Variants in ACSM6 observed in about 807,000 individuals in gnomAD.
ACSM6 encodes acyl-CoA synthetase medium chain family member 6, also known as acyl-coenzyme A synthetase ACSM6, mitochondrial.
Under a neutral mutation model 51.1 loss-of-function variants are expected in ACSM6, and 35 were observed. The ratio of observed to expected loss-of-function variants is 0.69; its 90% CI spans 0.52 to 0.91. ACSM6 has a LOEUF of 0.91. ACSM6 is among the 40% of genes least tolerant of loss of function. The pLI, the probability that ACSM6 is intolerant of heterozygous loss-of-function variation, is 0.00. For synonymous variants in ACSM6, 172 were observed against 207.3 expected, an observed-to-expected ratio of 0.83 and a Z score of 1.46; for missense variants, 509 against 584.1, an observed-to-expected ratio of 0.87 and a Z score of 1.32.
chr10:95,223,023 T>C (rs1048817461), intron 9 of ACSM6, among the ~76,000 whole-genome samples: 9 of 151,926 alleles, frequency 5.9e-5, no homozygotes, highest in Admixed American at 5.2e-4. Context: ...CATTAGAGGG[T>C]TTATTTTTTT....
chr10:95,209,523 G>A lies in ACSM6; in HGVS notation c.612-1127G>A, dbSNP rs529890010. Among the ~76,000 whole-genome samples the A allele has an allele frequency of 4.0e-4, 61 of 152,272 alleles. 1 individual carries two copies. In the South Asian group the frequency reaches 0.012, roughly 29 times the overall value. On this transcript the variant is annotated intron_variant, in intron 4 of 10. Coordinates refer to ENST00000341686, the Ensembl canonical transcript of ACSM6. ...GACCCAGGAGAAGGCTGTTGCTGTC[G>A]TCCAGATGAGAGGCCGTGCCGGTGT...
At chr10:95,203,871 A>C (rs576767757) in intron 3 of ACSM6, among the ~76,000 whole-genome samples, 15 of 151,794 alleles carry the variant, frequency 9.9e-5, no homozygotes, top group Non-Finnish European at 1.8e-4. Flanking sequence ...AAAAAAAAAA[A>C]AAAAAAAAAA....
exon 11 of ACSM6, chr10:95,228,708 T>A (rs755325767): frequency 1.1e-5 from 17 of 1,551,716 alleles, no homozygotes; most frequent in Non-Finnish European, 1.5e-5. Flanking sequence ...GACAGAGGGA[T>A]CATGGATGAA....
chr10:95,219,708 G>A (rs746753132), intron 8 of ACSM6, among the ~76,000 whole-genome samples, 183 bp from the exon 9 acceptor site: 13 of 151,630 alleles, frequency 8.6e-5, no homozygotes, highest in African/African-American at 1.2e-4. Flanking sequence ...TGCATTTCCT[G>A]TAAATTGACC....
At chr10:95,215,003 C>T in intron 8 of ACSM6, 28 bp downstream of exon 8, 2 of 1,550,146 alleles carry the variant, frequency 1.3e-6, no homozygotes, top group Non-Finnish European at 1.7e-6. Flanking sequence ...CACTATTTAG[C>T]CAGAAACCAA....
At chr10:95,200,599 G>A (rs2034784917) in intron 2 of ACSM6, among the ~76,000 whole-genome samples, 2 of 105,330 alleles carry the variant, frequency 1.9e-5, no homozygotes, top group African/African-American at 6.9e-5. Flanking sequence ...AGAAGAAGAA[G>A]AAGGAGAAGG....
Position 95,210,799 on chromosome 10 carries a change from G to C in ACSM6, c.755+6G>C. ...GGATTCAGCCAGGCTTCCAGGTACG[G>C]TTCTCGCACAGCCTGTACAGGCCTG... On this transcript the variant is annotated splice_donor_region_variant and intron_variant, in intron 5 of 10. Transcript: ENST00000341686. 6.2e-7 allele frequency: 1 copy of C among 1,613,240 alleles called. No individual in the cohort carries two copies. The highest frequency in any genetic ancestry group is 8.5e-7 in the Non-Finnish European group (1 of 1,179,474).
chr10:95,207,154 A>C, intron 3 of ACSM6, 54 bp from the exon 4 acceptor site: 2 of 1,569,528 alleles, frequency 1.3e-6, no homozygotes, highest in Non-Finnish European at 1.7e-6. Context: ...TGCTTGAGGA[A>C]AAATTCTCTA....
At chr10:95,200,528 GGAA>G (rs752756946) in intron 2 of ACSM6, among the ~76,000 whole-genome samples, 3 of 148,206 alleles carry the variant, frequency 2.0e-5, no homozygotes, top group African/African-American at 2.5e-5. Flanking sequence ...AGGAAGAATA[GGAA>G]GAAGAAGAAG....
intron 9 of ACSM6, among the ~76,000 whole-genome samples, chr10:95,224,652 G>T (rs925048843): frequency 6.6e-6 from 1 of 151,856 alleles, no homozygotes; most frequent in Non-Finnish European, 1.5e-5. Flanking sequence ...TGCCCACCTC[G>T]GCCTCCCAAA....
At chr10:95,228,900 A>C in exon 11 of ACSM6, 1 of 1,094,310 alleles carries the variant, frequency 9.1e-7, no homozygotes, top group Non-Finnish European at 1.2e-6. Context: ...ACAACCAAAA[A>C]TAAAAAAATA....
chr10:95,198,065 A>G (rs2034753981), intron 2 of ACSM6, among the ~76,000 whole-genome samples: 1 of 152,244 alleles, frequency 6.6e-6, no homozygotes, highest in African/African-American at 2.4e-5. Context: ...GTTGGGTCAA[A>G]GTAGCTGGGG....
intron 10 of ACSM6, among the ~76,000 whole-genome samples, chr10:95,227,099 G>GC (rs1448493594): frequency 1.3e-5 from 2 of 151,326 alleles, no homozygotes; most frequent in Non-Finnish European, 2.9e-5. Flanking sequence ...CGATTCTACT[G>GC]CCTCAGCCTC....
chr10:95,206,735 T>C (rs1341562617), intron 3 of ACSM6, among the ~76,000 whole-genome samples: 1 of 152,134 alleles, frequency 6.6e-6, no homozygotes, highest in Non-Finnish European at 1.5e-5. Context: ...CCACAATAGG[T>C]GTTCTATGGA....
exon 4 of ACSM6, chr10:95,207,369 T>A (rs1196278517): frequency 6.2e-7 from 1 of 1,614,154 alleles, no homozygotes; most frequent in Admixed American, 1.7e-5. Context: ...GCTCCTGGTG[T>A]CAGATAAGAG....
At chr10:95,194,347 G>A in intron 1 of ACSM6, 44 bp downstream of exon 1, 3 of 763,244 alleles carry the variant, frequency 3.9e-6, no homozygotes, top group Non-Finnish European at 6.2e-6. Flanking sequence ...TGATCTGACT[G>A]TTGCTTGTAC....
intron 3 of ACSM6, among the ~76,000 whole-genome samples, chr10:95,203,440 T>C (rs552653970): frequency 2.8e-4 from 42 of 152,112 alleles, no homozygotes; most frequent in African/African-American, 9.6e-4. Flanking sequence ...TGTGGAAAAA[T>C]TGTCTCCCAC....
At chr10:95,198,252 A>G (rs984033939) in intron 2 of ACSM6, among the ~76,000 whole-genome samples, 2 of 152,152 alleles carry the variant, frequency 1.3e-5, no homozygotes, top group Non-Finnish European at 2.9e-5. Flanking sequence ...CCAGGAAGCC[A>G]AAGAATTTGG....
chr10:95,197,867 C>T (rs2133369211), intron 2 of ACSM6, among the ~76,000 whole-genome samples: 1 of 152,372 alleles, frequency 6.6e-6, no homozygotes, highest in Middle Eastern at 3.4e-3. Flanking sequence ...CGATACCCAG[C>T]TTTCAAGGGC....
Sources: allele counts gnomAD v4.1 joint callset (sites outside exome capture counted in the v4.1 genomes callset), GRCh38; gene constraint gnomAD v4.1.1; transcripts MANE v1.5; gene names NCBI Gene and HGNC (gene_info 2026-07-23, HGNC 2026-07-21).